Variants in TTC39A observed in about 807,000 individuals in gnomAD.
TTC39A encodes tetratricopeptide repeat domain 39A, also known as tetratricopeptide repeat protein 39A.
In TTC39A, 46 loss-of-function variants were observed where a neutral mutation model predicts 82.3. The observed-to-expected ratio is 0.56, with a 90% CI of 0.44 to 0.71. The LOEUF (loss-of-function observed/expected upper bound fraction) is 0.71. TTC39A is among the 30% of genes least tolerant of loss of function. The pLI, the probability that TTC39A is intolerant of heterozygous loss-of-function variation, is 0.00. For synonymous variants in TTC39A, 254 were observed against 275.2 expected (o/e 0.92, Z 0.76); for missense variants, 543 against 712.9 (o/e 0.76, Z 2.71).
At position 51,321,706 on chromosome 1, in the gene TTC39A, G is replaced by T. The variant is rs550068330; in HGVS notation, c.146+15C>A. 2 of 1,612,452 alleles carry T rather than the reference G, an allele frequency of 1.2e-6. No homozygotes were observed. The highest frequency in any genetic ancestry group is 3.3e-5 in the Admixed American group (2 of 59,912). ...TCATGCACACCCCCTACCCCAACCG[G>T]GGCTTGAGCCTCACCTGGGCTTGAG... On this transcript the variant is annotated intron_variant, in intron 2 of 17. Coordinates refer to ENST00000680483, the MANE Select transcript of TTC39A (RefSeq NM_001297663.2). The surrounding 1 kb of genome is among the most constrained non-coding windows in gnomAD (Gnocchi z 4.6).
intron 5 of TTC39A, 100 bp from the exon 6 acceptor site, chr1:51,309,425 G>A (rs1333721455): frequency 6.3e-7 from 1 of 1,582,086 alleles, no homozygotes; most frequent in Admixed American, 1.8e-5. Flanking sequence ...CTCCGTGTGA[G>A]GAACCCTGGG....
exon 1 of TTC39A, chr1:51,345,018 T>C: frequency 6.6e-7 from 1 of 1,519,902 alleles, no homozygotes; most frequent in South Asian, 1.2e-5. Flanking sequence ...GGAGGCCGCC[T>C]CCTTCCAGGT....
chr1:51,308,770 C>G (rs531421444), intron 6 of TTC39A, among the ~76,000 whole-genome samples: 1 of 151,982 alleles, frequency 6.6e-6, no homozygotes, highest in Non-Finnish European at 1.5e-5. Context: ...GCAGAGAGCA[C>G]GTGCATGCAC....
chr1:51,319,810 C>T (rs764686275), intron 2 of TTC39A, among the ~76,000 whole-genome samples: 26 of 151,916 alleles, frequency 1.7e-4, no homozygotes, highest in Admixed American at 3.3e-4. Flanking sequence ...CCCACCTCAG[C>T]CTCCTGAGTA....
rs1422179546 is a variant in TTC39A, at chr1:51,294,640, T to TA, written c.1146-130dup. ...TTCCCCATCTGCACAATGACAGTGT[T>TA]AGACTCTAAAGAGCCTTCTAGGTCT... On this transcript the variant is annotated intron_variant, in intron 13 of 17. Coordinates refer to ENST00000680483, the MANE Select transcript of TTC39A (RefSeq NM_001297663.2). The surrounding 1 kb of genome is among the most constrained non-coding windows in gnomAD (Gnocchi z 4.3). The TA allele has an allele frequency of 1.2e-5, 17 of 1,396,028 alleles. No individual in the cohort carries two copies. In the African/African-American group the frequency reaches 2.4e-4, roughly 20 times the overall value. 86.5% of individuals were successfully genotyped at this position (1,396,028 alleles called of 1,614,324 possible).
chr1:51,310,999 C>A (rs1361557634), intron 5 of TTC39A, among the ~76,000 whole-genome samples: 1 of 152,230 alleles, frequency 6.6e-6, no homozygotes, highest in Non-Finnish European at 1.5e-5. Flanking sequence ...GGAAATGCAG[C>A]AGTCGCACAG....
In TTC39A at chr1:51,305,970, C is replaced by T. The variant is rs1354160250; in HGVS notation, c.588+7G>A. The T allele has an allele frequency of 1.2e-6, 2 of 1,613,440 alleles. No homozygotes were observed. The highest frequency in any genetic ancestry group is 4.5e-5 in the East Asian group (2 of 44,878). ...AGGTGCTGTGGAAATGGAGGAGGAG[C>T]ACTCACCAGGTTGAAGGCCCCTACA... is the stretch of plus-strand genomic sequence containing the variant. On this transcript the variant is annotated splice_region_variant and intron_variant, in intron 7 of 17. Transcript: ENST00000680483.
chr1:51,326,872 G>T (rs1329225102), intron 1 of TTC39A, among the ~76,000 whole-genome samples: 1 of 152,216 alleles, frequency 6.6e-6, no homozygotes, highest in Non-Finnish European at 1.5e-5. Context: ...TCTCCACTGT[G>T]TGTTGGGGAA....
At chr1:51,300,016 G>A (rs573220009) in intron 12 of TTC39A, 1 of 152,414 alleles carries the variant, frequency 6.6e-6, no homozygotes, top group South Asian at 2.1e-4. Context: ...CTGGGCCTGA[G>A]GAAGCACCTT....
intron 2 of TTC39A, among the ~76,000 whole-genome samples, chr1:51,318,453 AGTGG>A (rs1645375964): frequency 6.6e-6 from 1 of 152,158 alleles, no homozygotes; most frequent in Non-Finnish European, 1.5e-5. Flanking sequence ...CCCCTCAGAC[AGTGG>A]GAGTATGGTG....
chr1:51,301,230 T>C (rs575818108), intron 12 of TTC39A: 28 of 213,946 alleles, frequency 1.3e-4, no homozygotes, highest in Non-Finnish European at 2.0e-4. Context: ...GTTTCCCAGT[T>C]GCACTAGGCA....
intron 13 of TTC39A, among the ~76,000 whole-genome samples, chr1:51,295,308 A>G (rs1644373197): frequency 6.6e-6 from 1 of 152,198 alleles, no homozygotes; most frequent in Non-Finnish European, 1.5e-5. Context: ...TCTGTAAGTG[A>G]TAAATGCCCT....
At chr1:51,313,439 C>T (rs907240311) in intron 2 of TTC39A, among the ~76,000 whole-genome samples, 7 of 152,116 alleles carry the variant, frequency 4.6e-5, no homozygotes, top group Non-Finnish European at 8.8e-5. Context: ...TCTTCCCACT[C>T]CCTCCCCTCA....
chr1:51,302,564 T>C lies in TTC39A; in HGVS notation c.773A>G (p.Asn258Ser), dbSNP rs1321721566. 1 of 1,603,372 alleles carries C rather than the reference T, an allele frequency of 6.2e-7. No homozygotes were observed. The change falls in exon 10 of 18, where the codon AAC (asparagine) becomes AGC (serine). Residue 258 changes from asparagine (N) to serine (S), a missense_variant. Asn to Ser is a conservative substitution (Grantham distance 46, BLOSUM62 1). Transcript: ENST00000680483. ...TFLTFVLGTG[N>S]VNIEEAEKLL... ...CTTCTCGGCCTCCTCGATGTTGACGTTCCCAGTACCTGGAGGAGATGGTGG... is the reference window on the plus strand; with the variant it reads ...CTTCTCGGCCTCCTCGATGTTGACGCTCCCAGTACCTGGAGGAGATGGTGG...
intron 6 of TTC39A, 105 bp downstream of exon 6, chr1:51,309,156 C>A: frequency 7.1e-7 from 1 of 1,401,846 alleles, no homozygotes; most frequent in South Asian, 1.5e-5. Context: ...TAGGTTCTGG[C>A]CTCGGTTAGT....
At chr1:51,324,911 A>G (rs1175534618) in intron 1 of TTC39A, among the ~76,000 whole-genome samples, 1 of 152,146 alleles carries the variant, frequency 6.6e-6, no homozygotes, top group Non-Finnish European at 1.5e-5. Context: ...TGTTGGAAGC[A>G]TTATTTCCCC....
At chr1:51,336,066 C>T (rs915634174), upstream of TTC39A, among the ~76,000 whole-genome samples, 10 of 152,006 alleles carry the variant, frequency 6.6e-5, no homozygotes, top group Admixed American at 2.0e-4. Context: ...CCCAGATACC[C>T]CCTCTTCAGA....
At chr1:51,340,262 G>A (rs555448299) in intron 1 of TTC39A, among the ~76,000 whole-genome samples, 4 of 152,344 alleles carry the variant, frequency 2.6e-5, no homozygotes, top group African/African-American at 7.2e-5. Context: ...CACCAGGCCA[G>A]GGTGGTGGTG....
chr1:51,330,267 C>G lies in TTC39A; in HGVS notation c.41+170G>C. The stretch of plus-strand genomic sequence containing the variant: ...CTCCGCCTCCTCACAGCCCCCTGCC[C>G]CCACTCCTGGCAGCGGCGGCGGCTG... On this transcript the variant is annotated intron_variant, in intron 1 of 17. Transcript: ENST00000680483. The surrounding 1 kb of genome is among the most constrained non-coding windows in gnomAD (Gnocchi z 4.5). 3.1e-6 allele frequency: 3 copies of G among 963,592 alleles called. No homozygotes were observed. The highest frequency in any genetic ancestry group is 3.7e-6 in the Non-Finnish European group (3 of 810,226). The allele number at this position is 963,592 out of a possible 1,614,324, so 59.7% of individuals were successfully genotyped here. A position where few individuals can be genotyped will look rare whatever the true frequency, so the allele number is the denominator to read the frequency against.
Sources: gnomAD v4.1 joint callset for allele counts (sites outside exome capture counted in the v4.1 genomes callset) on GRCh38, gnomAD v4.1.1 for gene constraint, Gnocchi (gnomAD v3.1) non-coding constraint, MANE v1.5 for transcripts, NCBI Gene and HGNC (gene_info 2026-07-23, HGNC 2026-07-21) for gene names.